ZNF804A: variants seen among roughly 807,000 people sequenced by gnomAD.
ZNF804A encodes the protein zinc finger protein 804A.
Under a neutral mutation model 16.5 loss-of-function variants are expected in ZNF804A, and 2 were observed. That is an observed-to-expected ratio of 0.12 (90% CI 0.05 to 0.38). ZNF804A has a LOEUF of 0.38. Among genes scored for constraint, ZNF804A ranks in the 10% least tolerant of loss-of-function variants. ZNF804A has a pLI of 0.99. For missense variants in ZNF804A, 1,473 were observed against 1,390.7 expected, an observed-to-expected ratio of 1.06 and a Z score of -0.94; for synonymous variants, 534 against 489.6, an observed-to-expected ratio of 1.09 and a Z score of -1.20.
intron 2 of ZNF804A, among the ~76,000 whole-genome samples, chr2:184,929,930 T>C (rs903927035): frequency 2.0e-5 from 3 of 152,184 alleles, no homozygotes; most frequent in African/African-American, 4.8e-5. Flanking sequence ...TCTTCACACA[T>C]GGCACTGTAA....
At chr2:184,793,562 G>A (rs892358265) in intron 1 of ZNF804A, among the ~76,000 whole-genome samples, 4 of 152,032 alleles carry the variant, frequency 2.6e-5, no homozygotes, top group Admixed American at 1.3e-4. Flanking sequence ...TTGGCCATTT[G>A]TATGTCTATT....
At chr2:184,656,578 G>C (rs186710769) in intron 1 of ZNF804A, among the ~76,000 whole-genome samples, 2 of 152,136 alleles carry the variant, frequency 1.3e-5, no homozygotes, top group African/African-American at 4.8e-5. Flanking sequence ...AGTGTTTAAA[G>C]TTAAGGCAGA....
chr2:184,684,498 G>T (rs1692596652), intron 1 of ZNF804A, among the ~76,000 whole-genome samples: 1 of 152,166 alleles, frequency 6.6e-6, no homozygotes, highest in Non-Finnish European at 1.5e-5. Context: ...ATGTATGGAG[G>T]CTGAGTATTT....
chr2:184,718,324 G>A (rs1693246826), intron 1 of ZNF804A, among the ~76,000 whole-genome samples: 2 of 152,078 alleles, frequency 1.3e-5, no homozygotes, highest in Admixed American at 6.6e-5. Flanking sequence ...AGATTTGGGT[G>A]GGGACACAGC....
intron 1 of ZNF804A, among the ~76,000 whole-genome samples, chr2:184,752,956 A>C (rs1330057680): frequency 6.6e-6 from 1 of 151,692 alleles, no homozygotes; most frequent in Non-Finnish European, 1.5e-5. Context: ...ATAATTAAAA[A>C]AATAAGTTTT....
chr2:184,847,532 C>A (rs370593796), intron 1 of ZNF804A, among the ~76,000 whole-genome samples: 1 of 152,026 alleles, frequency 6.6e-6, no homozygotes, highest in South Asian at 2.1e-4. Context: ...TCTTGCCAAA[C>A]AGGGAAAAGA....
At chr2:184,618,041 A>G (rs921691367) in intron 1 of ZNF804A, among the ~76,000 whole-genome samples, 4 of 152,048 alleles carry the variant, frequency 2.6e-5, no homozygotes, top group African/African-American at 9.7e-5. Context: ...CTAAGACTTT[A>G]ACATATGTAT....
intron 2 of ZNF804A, among the ~76,000 whole-genome samples, chr2:184,879,088 G>A (rs1490402544): frequency 6.6e-6 from 1 of 151,920 alleles, no homozygotes; most frequent in Non-Finnish European, 1.5e-5. Flanking sequence ...CAAACAAAAT[G>A]ATGCCTCACG....
intron 1 of ZNF804A, among the ~76,000 whole-genome samples, chr2:184,805,858 G>A (rs1180936906): frequency 6.6e-6 from 1 of 151,918 alleles, no homozygotes; most frequent in African/African-American, 2.4e-5. Flanking sequence ...GAGACATCCA[G>A]GAAGTAAGTC....
intron 1 of ZNF804A, among the ~76,000 whole-genome samples, chr2:184,798,030 G>GTGTT (rs1392451168): frequency 1.3e-5 from 2 of 151,064 alleles, no homozygotes; most frequent in Non-Finnish European, 3.0e-5. Flanking sequence ...GTGTGTGTGT[G>GTGTT]TGTGTGTGTG....
intron 1 of ZNF804A, among the ~76,000 whole-genome samples, chr2:184,798,006 A>ATATGTG (rs1284803791): frequency 9.8e-5 from 13 of 133,256 alleles, no homozygotes; most frequent in Non-Finnish European, 1.9e-4. Flanking sequence ...TGGCTGATAT[A>ATATGTG]TGTGTGTGTG....
chr2:184,818,611 G>A (rs1057511144), intron 1 of ZNF804A, among the ~76,000 whole-genome samples: 2 of 151,926 alleles, frequency 1.3e-5, no homozygotes, highest in Non-Finnish European at 1.5e-5. Flanking sequence ...ACACAGAATG[G>A]CAAGCTGGAT....
intron 1 of ZNF804A, among the ~76,000 whole-genome samples, chr2:184,767,871 G>A (rs1458332393): frequency 6.6e-6 from 1 of 152,090 alleles, no homozygotes; most frequent in Admixed American, 6.6e-5. Flanking sequence ...AGGCATCAGT[G>A]AATCCAAATC....
At chr2:184,686,124 G>A (rs1692626118) in intron 1 of ZNF804A, among the ~76,000 whole-genome samples, 1 of 152,226 alleles carries the variant, frequency 6.6e-6, no homozygotes, top group Non-Finnish European at 1.5e-5. Flanking sequence ...CCAGACAACA[G>A]GAACAGGCAC....
chr2:184,679,700 C>G (rs570328002), intron 1 of ZNF804A, among the ~76,000 whole-genome samples: 1 of 152,154 alleles, frequency 6.6e-6, no homozygotes, highest in African/African-American at 2.4e-5. Context: ...GACATGACAG[C>G]TCCCTATTGT....
intron 2 of ZNF804A, among the ~76,000 whole-genome samples, chr2:184,903,476 G>A (rs1370713215): frequency 6.6e-6 from 1 of 152,088 alleles, no homozygotes; most frequent in Non-Finnish European, 1.5e-5. Context: ...TAGAGCCTAG[G>A]TGTGTAGTAG....
At chr2:184,934,535 G>T (rs1452934650) in intron 3 of ZNF804A, among the ~76,000 whole-genome samples, 2 of 151,968 alleles carry the variant, frequency 1.3e-5, no homozygotes, top group Admixed American at 6.6e-5. Flanking sequence ...ATATGTATTT[G>T]GAATCCTACA....
At chr2:184,610,242 G>C (rs978714259) in intron 1 of ZNF804A, among the ~76,000 whole-genome samples, 1 of 152,214 alleles carries the variant, frequency 6.6e-6, no homozygotes, top group Non-Finnish European at 1.5e-5. Context: ...TACCTTGGAT[G>C]TTCCAGCTTT....
chr2:184,853,198 A>C (rs935088692), intron 1 of ZNF804A, among the ~76,000 whole-genome samples: 5 of 151,880 alleles, frequency 3.3e-5, no homozygotes, highest in African/African-American at 1.2e-4. Flanking sequence ...ATTTTAAATG[A>C]AATTGTTTTC....
Sources: gnomAD v4.1 joint callset for allele counts (sites outside exome capture counted in the v4.1 genomes callset) on GRCh38, gnomAD v4.1.1 for gene constraint, MANE v1.5 for transcripts, NCBI Gene and HGNC (gene_info 2026-07-23, HGNC 2026-07-21) for gene names.